KCNH8: variants seen among roughly 807,000 people sequenced by gnomAD.
The protein encoded by KCNH8 is potassium voltage-gated channel subfamily H member 8.
In KCNH8, 70 loss-of-function variants were observed where a neutral mutation model predicts 103.6. The ratio of observed to expected loss-of-function variants is 0.68; its 90% CI spans 0.56 to 0.82. The LOEUF is 0.82. Ranked by LOEUF, KCNH8 falls within the 40% of genes least tolerant of loss-of-function variation. The pLI, the probability that KCNH8 is intolerant of heterozygous loss-of-function variation, is 0.00. For missense variants in KCNH8, 1,217 were observed against 1,329.9 expected (o/e 0.92, Z 1.32); for synonymous variants, 498 against 489.4 (o/e 1.02, Z -0.23).
At chr3:19,511,343 G>A (rs184958830) in intron 12 of KCNH8, among the ~76,000 whole-genome samples, 19 of 152,220 alleles carry the variant, frequency 1.2e-4, no homozygotes, top group Admixed American at 3.9e-4. Context: ...ATGACAAAAT[G>A]GAAGTATGAA....
intron 3 of KCNH8, among the ~76,000 whole-genome samples, chr3:19,306,316 G>C (rs2065129942): frequency 6.6e-6 from 1 of 151,928 alleles, no homozygotes; most frequent in Admixed American, 6.6e-5. Flanking sequence ...TTTCTATCAG[G>C]TACTTAAATT....
At chr3:19,501,426 T>A (rs557207463) in intron 11 of KCNH8, among the ~76,000 whole-genome samples, 1 of 152,336 alleles carries the variant, frequency 6.6e-6, no homozygotes, top group Non-Finnish European at 1.5e-5. Context: ...ACTCATTTTA[T>A]GAGGCCAGCA....
intron 5 of KCNH8, among the ~76,000 whole-genome samples, chr3:19,353,030 C>T (rs749268156): frequency 5.3e-5 from 8 of 151,642 alleles, no homozygotes; most frequent in Non-Finnish European, 1.2e-4. Context: ...TGAATAGTCG[C>T]AATAAAAATG....
chr3:19,153,782 C>A (rs1210245065), intron 1 of KCNH8, among the ~76,000 whole-genome samples: 2 of 151,924 alleles, frequency 1.3e-5, no homozygotes, highest in Admixed American at 1.3e-4. Flanking sequence ...CAGATGCCTG[C>A]CACTACGCCT....
chr3:19,340,978 T>G (rs2125315967), intron 3 of KCNH8, among the ~76,000 whole-genome samples: 1 of 152,282 alleles, frequency 6.6e-6, no homozygotes, highest in Non-Finnish European at 1.5e-5. Context: ...CACTTGGAAG[T>G]GGGCCAAGCA....
At chr3:19,390,992 TAG>T (rs1046678354) in intron 6 of KCNH8, among the ~76,000 whole-genome samples, 7 of 152,134 alleles carry the variant, frequency 4.6e-5, no homozygotes, top group Non-Finnish European at 1.0e-4. Flanking sequence ...AAGAATTTGC[TAG>T]AGAGTTTGAA....
intron 7 of KCNH8, among the ~76,000 whole-genome samples, chr3:19,431,271 C>A (rs930443529): frequency 6.6e-6 from 1 of 152,146 alleles, no homozygotes; most frequent in Admixed American, 6.5e-5. Context: ...GTTCTGTTTA[C>A]GTGATGCATC....
intron 1 of KCNH8, among the ~76,000 whole-genome samples, chr3:19,232,225 A>G (rs2064002753): frequency 6.6e-6 from 1 of 152,220 alleles, no homozygotes; most frequent in South Asian, 2.1e-4. Context: ...AATAGATTGC[A>G]AATGTCCTAA....
intron 7 of KCNH8, 57 bp from the exon 8 acceptor site, chr3:19,438,107 G>A (rs1377049330): frequency 7.4e-7 from 1 of 1,352,250 alleles, no homozygotes. Context: ...ACTCCCATGT[G>A]TTAATACTGA....
chr3:19,268,602 CAAAG>C (rs1038433399), intron 2 of KCNH8, among the ~76,000 whole-genome samples: 65 of 152,182 alleles, frequency 4.3e-4, no homozygotes, highest in African/African-American at 1.5e-3. Flanking sequence ...TTTCATTTAA[CAAAG>C]AACATTTTTG....
Position 19,302,172 on chromosome 3 carries a change from G to T in KCNH8, c.442+20843G>T, listed in dbSNP as rs1036042799. Among the ~76,000 whole-genome samples, 12 of 152,238 alleles carry T rather than the reference G, an allele frequency of 7.9e-5. No homozygotes were observed. The South Asian group carries it at 1.7e-3, about 21-fold the overall frequency. ...GAAGGTTCCAACCCTCCAATCAAGT[G>T]ATTGGTTCCTCTGGAAGCCAGATTC... On this transcript the variant is annotated intron_variant, in intron 3 of 15. Coordinates refer to ENST00000328405, the MANE Select transcript of KCNH8 (RefSeq NM_144633.3).
In KCNH8 at chr3:19,456,812, G is replaced by A; in HGVS notation, c.1870G>A (p.Val624Met). ...IGANLSIKDQ[V>M]IKTNADVKAL... ...AGCAAATCTATCAATTAAGGACCAA[G>A]TGATCAAGACCAATGCAGATGTAAA... Residue 624 changes from valine to methionine, a missense_variant, in exon 11 of 16, where the codon GTG (valine) becomes ATG (methionine). This residue lies in a region of KCNH8 where 415 missense variants were observed against 577.4 expected (regional missense o/e 0.72). Transcript: ENST00000328405. 1 of 1,611,800 alleles carries A rather than the reference G, an allele frequency of 6.2e-7. No individual in the cohort carries two copies. The highest frequency in any genetic ancestry group is 8.5e-7 in the Non-Finnish European group (1 of 1,178,556).
At chr3:19,348,236 G>A (rs145346748) in intron 5 of KCNH8, among the ~76,000 whole-genome samples, 545 of 152,154 alleles carry the variant, frequency 3.6e-3, no homozygotes, top group Non-Finnish European at 6.1e-3. Flanking sequence ...TTTAACAGCT[G>A]TTTTGTTTGT....
intron 14 of KCNH8, among the ~76,000 whole-genome samples, chr3:19,516,311 C>A (rs1354043835): frequency 6.6e-6 from 1 of 152,042 alleles, no homozygotes; most frequent in Non-Finnish European, 1.5e-5. Flanking sequence ...TGGTAGAATA[C>A]CAGCATTTCA....
At chr3:19,240,379 G>A (rs373410407) in intron 1 of KCNH8, among the ~76,000 whole-genome samples, 1 of 152,088 alleles carries the variant, frequency 6.6e-6, no homozygotes, top group Non-Finnish European at 1.5e-5. Flanking sequence ...TTGGGAGGCC[G>A]AGGTGAGCGG....
chr3:19,471,953 T>C (rs2067866242), intron 11 of KCNH8, among the ~76,000 whole-genome samples: 1 of 152,190 alleles, frequency 6.6e-6, no homozygotes, highest in Non-Finnish European at 1.5e-5. Context: ...TGATAATTTA[T>C]TAAGCTGTAC....
intron 3 of KCNH8, among the ~76,000 whole-genome samples, chr3:19,305,970 G>A (rs539239541): frequency 3.3e-5 from 5 of 152,100 alleles, no homozygotes; most frequent in South Asian, 2.1e-4. Context: ...TAAAAAAATG[G>A]CAACATAGGT....
chr3:19,228,134 CTACCTG>C (rs1366360531), intron 1 of KCNH8, among the ~76,000 whole-genome samples: 3 of 152,118 alleles, frequency 2.0e-5, no homozygotes, highest in African/African-American at 7.2e-5. Flanking sequence ...CCTGTGGGCC[CTACCTG>C]TCTCACCTCC....
chr3:19,234,269 C>T (rs962799684), intron 1 of KCNH8, among the ~76,000 whole-genome samples: 33 of 152,202 alleles, frequency 2.2e-4, no homozygotes, highest in African/African-American at 7.7e-4. Context: ...CCTGCCAGTC[C>T]CGCGCTGTGG....
Sources: allele counts gnomAD v4.1 joint callset (sites outside exome capture counted in the v4.1 genomes callset), GRCh38; gene constraint gnomAD v4.1.1; regional missense constraint gnomAD v4.1.1; transcripts MANE v1.5; gene names NCBI Gene and HGNC (gene_info 2026-07-23, HGNC 2026-07-21).